The following DNAJC15 variants were observed in gnomAD, a reference collection of about 807,000 sequenced individuals.
DNAJC15 encodes dnaJ homolog subfamily C member 15.
In DNAJC15, 27 loss-of-function variants were observed where a neutral mutation model predicts 22.4. The observed-to-expected ratio is 1.20, with a 90% CI of 0.89 to 1.66. The LOEUF (loss-of-function observed/expected upper bound fraction) is 1.66. DNAJC15 is among the 40% of genes most tolerant of loss of function. The pLI is 0.00. For synonymous variants in DNAJC15, 79 were observed against 63.2 expected, an observed-to-expected ratio of 1.25 and a Z score of -1.19; for missense variants, 208 against 187.1, an observed-to-expected ratio of 1.11 and a Z score of -0.65.
intron 5 of DNAJC15, among the ~76,000 whole-genome samples, chr13:43,105,669 T>G (rs2040793299): frequency 6.6e-6 from 1 of 152,206 alleles, no homozygotes; most frequent in Non-Finnish European, 1.5e-5. Context: ...GGCCTATGAT[T>G]TAAATATCCA....
chr13:43,037,565 T>C (rs2040434542), intron 1 of DNAJC15, among the ~76,000 whole-genome samples: 1 of 152,204 alleles, frequency 6.6e-6, no homozygotes, highest in South Asian at 2.1e-4. Flanking sequence ...TAAAACATGT[T>C]AAACCCATCT....
intron 5 of DNAJC15, among the ~76,000 whole-genome samples, chr13:43,096,699 A>G (rs569609731): frequency 3.9e-5 from 6 of 152,360 alleles, no homozygotes; most frequent in Admixed American, 2.6e-4. Context: ...CAGATTCTTC[A>G]TAGCTCCTCC....
chr13:43,057,064 T>C (rs945046514), intron 1 of DNAJC15, among the ~76,000 whole-genome samples: 2 of 152,258 alleles, frequency 1.3e-5, no homozygotes, highest in African/African-American at 4.8e-5. Context: ...ATCTTGACTT[T>C]AGATAACCTG....
intron 1 of DNAJC15, among the ~76,000 whole-genome samples, chr13:43,060,479 G>A (rs1335052398): frequency 6.6e-6 from 1 of 152,112 alleles, no homozygotes; most frequent in Admixed American, 6.5e-5. Flanking sequence ...GTCCAAGGGG[G>A]TTCAACGTTA....
rs1338394073 is a variant in DNAJC15, at chr13:43,107,804, A to G, written c.*556A>G. 6.6e-6 allele frequency: 1 copy of G among 152,230 alleles called. No homozygotes were observed. Among genetic ancestry groups the G allele is most frequent in the Non-Finnish European group, 1.5e-5 (1 of 68,034 alleles). 9.4% of individuals were successfully genotyped at this position (152,230 alleles called of 1,614,324 possible). On this transcript the variant is annotated 3_prime_UTR_variant, in exon 6 of 6. Coordinates refer to ENST00000379221, the MANE Select transcript of DNAJC15 (RefSeq NM_013238.3). ...GGTTAAGGACTTGTTAAAGAACCCC[A>G]CTATCTCTGAGACCCTATAGCCAAA...
At chr13:43,095,523 A>G (rs941073939) in intron 5 of DNAJC15, among the ~76,000 whole-genome samples, 2 of 152,208 alleles carry the variant, frequency 1.3e-5, no homozygotes, top group East Asian at 1.9e-4. Context: ...AGAATCATCA[A>G]TATAAGATGG....
intron 1 of DNAJC15, among the ~76,000 whole-genome samples, chr13:43,030,312 C>T (rs1593307801): frequency 2.6e-5 from 4 of 152,190 alleles, no homozygotes; most frequent in East Asian, 1.9e-4. Flanking sequence ...AGATTGCCAC[C>T]CTCAAGGGCA....
chr13:43,102,084 ACATTTAT>A (rs1297159725), intron 5 of DNAJC15, among the ~76,000 whole-genome samples: 1 of 152,184 alleles, frequency 6.6e-6, no homozygotes, highest in Admixed American at 6.5e-5. Context: ...ATCCATGCCA[ACATTTAT>A]AATTTTTTTT....
intron 1 of DNAJC15, among the ~76,000 whole-genome samples, chr13:43,057,647 T>C (rs966619359): frequency 6.6e-6 from 1 of 152,226 alleles, no homozygotes; most frequent in Admixed American, 6.5e-5. Context: ...TGAGCTAGTG[T>C]GGTCTTTTGG....
intron 1 of DNAJC15, among the ~76,000 whole-genome samples, chr13:43,060,883 C>T (rs1037815024): frequency 4.6e-5 from 7 of 152,132 alleles, no homozygotes; most frequent in African/African-American, 1.7e-4. Context: ...AGGCCTCTAC[C>T]CACCCAGTGA....
At position 43,114,085 on chromosome 13, in the gene DNAJC15, AC is replaced by A. The variant is rs1256043511; in HGVS notation, c.*6838del. Reference sequence around the variant, plus strand: ...CAATATGTGAAAATACGGATGCACTACAATTAAATAAATAAAATGCTGTTGT... The same window carrying A: ...CAATATGTGAAAATACGGATGCACTAAATTAAATAAATAAAATGCTGTTGT... On this transcript the variant is annotated 3_prime_UTR_variant, in exon 6 of 6. Coordinates refer to ENST00000379221, the MANE Select transcript of DNAJC15 (RefSeq NM_013238.3). 1 of 152,244 alleles carries A rather than the reference AC, an allele frequency of 6.6e-6. No individual in the cohort carries two copies. Among genetic ancestry groups the A allele is most frequent in the African/African-American group, 2.4e-5 (1 of 41,468 alleles). The allele number at this position is 152,244 out of a possible 1,614,324, so 9.4% of individuals were successfully genotyped here.
chr13:43,033,923 G>T (rs2153439520), intron 1 of DNAJC15, among the ~76,000 whole-genome samples: 1 of 151,928 alleles, frequency 6.6e-6, no homozygotes, highest in African/African-American at 2.4e-5. Flanking sequence ...AGCTACTTGG[G>T]AGGCTGAGGC....
At chr13:43,062,842 C>A (rs1201181577) in intron 1 of DNAJC15, among the ~76,000 whole-genome samples, 1 of 152,108 alleles carries the variant, frequency 6.6e-6, no homozygotes, top group Non-Finnish European at 1.5e-5. Context: ...CCTCAGCCCC[C>A]TGAGTAGCTG....
At chr13:43,068,204 G>C (rs903267892) in intron 2 of DNAJC15, among the ~76,000 whole-genome samples, 10 of 151,984 alleles carry the variant, frequency 6.6e-5, no homozygotes, top group African/African-American at 2.4e-4. Flanking sequence ...AATCTGATTG[G>C]GGTGCAAAAG....
intron 1 of DNAJC15, among the ~76,000 whole-genome samples, chr13:43,059,853 C>T (rs59632365): frequency 0.034 from 5,134 of 151,894 alleles, 302 homozygotes; most frequent in African/African-American, 0.12. Context: ...GTTTCGCGGG[C>T]ATGGGGTGGA....
At chr13:43,079,921 A>G (rs1384965669) in intron 4 of DNAJC15, among the ~76,000 whole-genome samples, 1 of 152,232 alleles carries the variant, frequency 6.6e-6, no homozygotes, top group African/African-American at 2.4e-5. Context: ...TATCAAGTAT[A>G]TATGCGTACA....
intron 3 of DNAJC15, among the ~76,000 whole-genome samples, chr13:43,071,554 A>G (rs151057456): frequency 6.6e-6 from 1 of 152,248 alleles, no homozygotes; most frequent in African/African-American, 2.4e-5. Flanking sequence ...TTCCAGGGAA[A>G]CTGAGAAATG....
At chr13:43,087,188 A>G (rs879306466) in intron 5 of DNAJC15, among the ~76,000 whole-genome samples, 1 of 152,076 alleles carries the variant, frequency 6.6e-6, no homozygotes, top group Non-Finnish European at 1.5e-5. Flanking sequence ...ATGTTTTTGG[A>G]TTATTGTTCC....
chr13:43,029,854 A>G (rs1283340928), intron 1 of DNAJC15, among the ~76,000 whole-genome samples: 1 of 152,236 alleles, frequency 6.6e-6, no homozygotes, highest in Non-Finnish European at 1.5e-5. Flanking sequence ...AGTTCCCAAC[A>G]TAGTACCAGG....
Sources: gnomAD v4.1 joint callset for allele counts (sites outside exome capture counted in the v4.1 genomes callset) on GRCh38, gnomAD v4.1.1 for gene constraint, MANE v1.5 for transcripts, NCBI Gene and HGNC (gene_info 2026-07-23, HGNC 2026-07-21) for gene names.